NVL: variants seen among roughly 807,000 people sequenced by gnomAD.
NVL encodes the protein nuclear valosin-containing protein-like.
NVL carries 84 observed loss-of-function variants against 110.2 expected under a neutral mutation model. The observed-to-expected ratio is 0.76, with a 90% CI of 0.64 to 0.91. The LOEUF (loss-of-function observed/expected upper bound fraction) is 0.91, where lower values mean the gene tolerates loss of function less well. Among genes scored for constraint, NVL ranks in the 40% least tolerant of loss-of-function variants. NVL has a pLI of 0.00. For missense variants in NVL, 882 were observed against 1,035.9 expected (o/e 0.85, Z 2.04); for synonymous variants, 354 against 361.1 (o/e 0.98, Z 0.22).
At chr1:224,313,636 T>C (rs1669773355) in intron 4 of NVL, among the ~76,000 whole-genome samples, 1 of 152,094 alleles carries the variant, frequency 6.6e-6, no homozygotes, top group Admixed American at 6.6e-5. Context: ...AAAAACTCCA[T>C]AAGCAAGCAA....
intron 21 of NVL, among the ~76,000 whole-genome samples, chr1:224,232,653 C>T (rs960774961): frequency 6.6e-6 from 1 of 152,124 alleles, no homozygotes; most frequent in East Asian, 1.9e-4. Flanking sequence ...AGTCACCACA[C>T]CCAGCAGACA....
intron 18 of NVL, among the ~76,000 whole-genome samples, chr1:224,251,271 C>CAAAAAAAAAAAAAAAAAAAAAAAAA (rs35538758): frequency 1.6e-5 from 1 of 62,172 alleles, no homozygotes; most frequent in Non-Finnish European, 2.7e-5. Context: ...GATACTGTCT[C>CAAAAAAAAAAAAAAAAAAAAAAAAA]AAAAAAAAAA....
intron 5 of NVL, among the ~76,000 whole-genome samples, chr1:224,309,913 C>CA (rs1490493470): frequency 1.3e-5 from 2 of 152,064 alleles, no homozygotes; most frequent in Non-Finnish European, 2.9e-5. Flanking sequence ...ACCTTAATCT[C>CA]AGCTACTCAG....
At chr1:224,271,109 T>A (rs1363830662) in intron 17 of NVL, among the ~76,000 whole-genome samples, 1 of 152,244 alleles carries the variant, frequency 6.6e-6, no homozygotes, top group Non-Finnish European at 1.5e-5. Flanking sequence ...AGAATTATTA[T>A]GTAAATTCTG....
intron 15 of NVL, among the ~76,000 whole-genome samples, chr1:224,282,658 G>A (rs1419141653): frequency 6.6e-6 from 1 of 152,122 alleles, no homozygotes; most frequent in Non-Finnish European, 1.5e-5. Context: ...CTTAGAACCT[G>A]GTATCTGAGC....
At chr1:224,324,257 A>G (rs1017456177) in intron 2 of NVL, among the ~76,000 whole-genome samples, 3 of 152,202 alleles carry the variant, frequency 2.0e-5, no homozygotes, top group African/African-American at 4.8e-5. Context: ...TGGGATCACC[A>G]TCATACATGA....
intron 20 of NVL, among the ~76,000 whole-genome samples, chr1:224,235,545 G>A (rs1482632281): frequency 6.6e-6 from 1 of 152,010 alleles, no homozygotes; most frequent in Non-Finnish European, 1.5e-5. Context: ...GGGAGGTAGA[G>A]GCATTTACAT....
intron 19 of NVL, among the ~76,000 whole-genome samples, chr1:224,245,745 G>A (rs1373140934): frequency 1.3e-5 from 2 of 151,780 alleles, no homozygotes; most frequent in African/African-American, 4.8e-5. Flanking sequence ...CACCAGGTCA[G>A]GAGTTCCAGA....
intron 12 of NVL, among the ~76,000 whole-genome samples, chr1:224,294,026 C>T (rs1440728302): frequency 1.3e-5 from 2 of 152,108 alleles, no homozygotes; most frequent in African/African-American, 2.4e-5. Flanking sequence ...GCTCAAAATC[C>T]TGGTATCAAG....
intron 2 of NVL, among the ~76,000 whole-genome samples, chr1:224,322,823 G>A (rs970930982): frequency 1.3e-5 from 2 of 152,108 alleles, no homozygotes; most frequent in African/African-American, 2.4e-5. Flanking sequence ...GCATGGTGGC[G>A]TGCACCCGTA....
rs773242428 is a variant in NVL at position 224,275,496 on chromosome 1, T to C, written c.1963-38A>G. The C allele has an allele frequency of 1.9e-6, 3 of 1,613,124 alleles. No homozygotes were observed. In the African/African-American group the frequency reaches 4.0e-5, roughly 22 times the overall value. ...AGAAAGGAAATAAAATACCAACAGTTCAACTTTGTGGTTTGGGTCAAATGA... is the reference window on the plus strand; with the variant it reads ...AGAAAGGAAATAAAATACCAACAGTCCAACTTTGTGGTTTGGGTCAAATGA... On this transcript the variant is annotated intron_variant, in intron 16 of 22. Transcript: ENST00000281701.
intron 22 of NVL, among the ~76,000 whole-genome samples, chr1:224,229,300 A>T (rs1218147713): frequency 3.3e-5 from 5 of 151,618 alleles, no homozygotes; most frequent in African/African-American, 9.7e-5. Context: ...CTGTCTCAAA[A>T]AAATAAATAA....
At chr1:224,258,573 T>C (rs1478283690) in intron 18 of NVL, among the ~76,000 whole-genome samples, 2 of 152,150 alleles carry the variant, frequency 1.3e-5, no homozygotes, top group Non-Finnish European at 2.9e-5. Flanking sequence ...TTAAAACATA[T>C]GTCCATACAA....
At chr1:224,317,242 C>T (rs1369134283) in intron 4 of NVL, among the ~76,000 whole-genome samples, 3 of 151,792 alleles carry the variant, frequency 2.0e-5, no homozygotes, top group Admixed American at 6.6e-5. Context: ...AATTAATCAG[C>T]ACCTTTTTAT....
intron 5 of NVL, among the ~76,000 whole-genome samples, chr1:224,308,690 C>CA (rs544159510): frequency 0.09 from 5,529 of 61,570 alleles, 439 homozygotes; most frequent in African/African-American, 0.26. Flanking sequence ...GACTCCATCT[C>CA]AAAAAAAAAA....
chr1:224,248,025 C>T (rs774530981), intron 19 of NVL, among the ~76,000 whole-genome samples: 1 of 152,136 alleles, frequency 6.6e-6, no homozygotes, highest in African/African-American at 2.4e-5. Flanking sequence ...TGAAGACAGA[C>T]AAAACTATAG....
At chr1:224,269,377 C>A (rs1007029726) in intron 17 of NVL, among the ~76,000 whole-genome samples, 1 of 152,214 alleles carries the variant, frequency 6.6e-6, no homozygotes, top group East Asian at 1.9e-4. Flanking sequence ...TGTGCCACTG[C>A]ACCTGGACGA....
At chr1:224,228,924 CAAAAAAAAAAA>C (rs368485856) in intron 22 of NVL, among the ~76,000 whole-genome samples, 1 of 81,686 alleles carries the variant, frequency 1.2e-5, no homozygotes, top group Non-Finnish European at 2.1e-5. Context: ...GACTCCGTCT[CAAAAAAAAAAA>C]AAAAAAAAAA....
chr1:224,299,911 A>G (rs1046557512), intron 10 of NVL, among the ~76,000 whole-genome samples: 1 of 152,124 alleles, frequency 6.6e-6, no homozygotes, highest in African/African-American at 2.4e-5. Flanking sequence ...TGTATTGGAT[A>G]TTCATCAGCT....
Sources: allele counts gnomAD v4.1 joint callset (sites outside exome capture counted in the v4.1 genomes callset), GRCh38; gene constraint gnomAD v4.1.1; transcripts MANE v1.5; gene names NCBI Gene and HGNC (gene_info 2026-07-23, HGNC 2026-07-21).